IARS2: variants seen among roughly 807,000 people sequenced by gnomAD.
IARS2 encodes isoleucine--tRNA ligase, mitochondrial.
A neutral mutation model predicts 126.3 loss-of-function variants in IARS2; 56 were observed. That is an observed-to-expected ratio of 0.44 (90% CI 0.36 to 0.55). The LOEUF is 0.55. Ranked by LOEUF, IARS2 falls within the 20% of genes least tolerant of loss-of-function variation. IARS2 has a pLI of 0.00. For synonymous variants in IARS2, 407 were observed against 441.1 expected (o/e 0.92, Z 0.97); for missense variants, 1,127 against 1,245.9 (o/e 0.90, Z 1.44).
intron 19 of IARS2, among the ~76,000 whole-genome samples, chr1:220,140,983 C>CAA (rs555848103): frequency 2.0e-4 from 14 of 69,180 alleles, no homozygotes; most frequent in East Asian, 7.4e-4. Context: ...GACTCCGTCT[C>CAA]AAAAAAAAAA....
intron 21 of IARS2, 23 bp downstream of exon 21, chr1:220,143,157 T>C (rs1657523424): frequency 1.3e-6 from 2 of 1,577,416 alleles, no homozygotes; most frequent in African/African-American, 1.3e-5. Flanking sequence ...ATGTACCTTT[T>C]GAAATGGTGT....
chr1:220,094,246 G>C lies in IARS2; in HGVS notation c.30G>C (p.Pro10=), dbSNP rs1162950334. 2.5e-6 allele frequency: 4 copies of C among 1,596,842 alleles called. No homozygotes were observed. The highest frequency in any genetic ancestry group is 8.5e-7 in the Non-Finnish European group (1 of 1,172,040). The change falls in exon 1 of 23, where the codon CCG becomes CCC. Residue 10 remains proline (P), a synonymous_variant. Coordinates refer to ENST00000366922, the MANE Select transcript of IARS2 (RefSeq NM_018060.4). Reference sequence around the variant, plus strand: ...GTTGGGGGCTGCGCCCTCGCGGGCCGGGCGCGGCCGCCCTGGCCACTGCCC... The same window carrying C: ...GTTGGGGGCTGCGCCCTCGCGGGCCCGGCGCGGCCGCCCTGGCCACTGCCC... The part of the protein sequence containing the change: MRWGLRPRG[P]GAAALATARS...
chr1:220,103,522 T>C lies in IARS2; in HGVS notation c.1026T>C (p.Ser342=). The C allele has an allele frequency of 6.2e-7, 1 of 1,613,284 alleles. No homozygotes were observed. The highest frequency in any genetic ancestry group is 8.5e-7 in the Non-Finnish European group (1 of 1,179,250). ...LAADKVASVA[S]TLETTFETIS... ...CAGATAAAGTAGCATCTGTTGCTTC[T>C]ACTTTGGAAACAACATTTGAGACTA... Residue 342 remains serine, a synonymous_variant, in exon 8 of 23, where the codon TCT becomes TCC. Transcript: ENST00000366922.
intron 2 of IARS2, among the ~76,000 whole-genome samples, chr1:220,096,939 G>A (rs1009847082): frequency 1.3e-5 from 2 of 151,948 alleles, no homozygotes; most frequent in Admixed American, 6.6e-5. Context: ...CCAGCTACTC[G>A]GGAGGCTGAG....
chr1:220,125,973 G>T (rs1263507574), intron 13 of IARS2, among the ~76,000 whole-genome samples: 1 of 151,930 alleles, frequency 6.6e-6, no homozygotes, highest in African/African-American at 2.4e-5. Context: ...TGGGTGCGAT[G>T]GTGGGCGCCT....
intron 2 of IARS2, among the ~76,000 whole-genome samples, chr1:220,098,892 A>T (rs1379790430): frequency 6.6e-6 from 1 of 152,114 alleles, no homozygotes; most frequent in African/African-American, 2.4e-5. Context: ...TGTTCATATG[A>T]CTGAAAGCAA....
Position 220,147,832 on chromosome 1 carries a change from C to T in IARS2, c.*197C>T, listed in dbSNP as rs1017681264. ...AGAAAGAATTATGTATATATACATG[C>T]AGAAATATATATGTGTGTGTGTATC... is the stretch of plus-strand genomic sequence containing the variant. On this transcript the variant is annotated 3_prime_UTR_variant, in exon 23 of 23. Coordinates refer to ENST00000366922, the MANE Select transcript of IARS2 (RefSeq NM_018060.4). The T allele has an allele frequency of 1.7e-6, 1 of 578,688 alleles. No individual in the cohort carries two copies. The highest frequency in any genetic ancestry group is 1.9e-5 in the African/African-American group (1 of 53,850). 35.8% of individuals were successfully genotyped at this position (578,688 alleles called of 1,614,324 possible).
chr1:220,139,146 G>A lies in IARS2; in HGVS notation c.2307+7G>A. ...GCAGGATTTGGCAAACAAGGTAAAT[G>A]TAAATTAATAAACTTTTGGAAACTA... On this transcript the variant is annotated splice_region_variant and intron_variant, in intron 18 of 22. Coordinates refer to ENST00000366922, the MANE Select transcript of IARS2 (RefSeq NM_018060.4). The A allele has an allele frequency of 1.3e-6, 2 of 1,598,820 alleles. No individual in the cohort carries two copies. The highest frequency in any genetic ancestry group is 1.7e-6 in the Non-Finnish European group (2 of 1,174,286).
chr1:220,102,990 C>T (rs924677140), intron 7 of IARS2, among the ~76,000 whole-genome samples: 11 of 151,992 alleles, frequency 7.2e-5, no homozygotes, highest in African/African-American at 2.2e-4. Flanking sequence ...GTATAAGTTA[C>T]AAAGTGTTTT....
intron 15 of IARS2, 89 bp downstream of exon 15, chr1:220,134,599 T>G (rs1250674259): frequency 3.0e-6 from 2 of 665,858 alleles, no homozygotes; most frequent in Non-Finnish European, 2.5e-6. Flanking sequence ...AAGGCACCAC[T>G]CTTGATTGCT....
Position 220,134,423 on chromosome 1 carries a change from T to G in IARS2, c.1859T>G (p.Leu620Trp). 1 of 1,610,070 alleles carries G rather than the reference T, an allele frequency of 6.2e-7. No individual in the cohort carries two copies. The highest frequency in any genetic ancestry group is 8.5e-7 in the Non-Finnish European group (1 of 1,178,420). ...TGAGGTCCTGACCAAAGAGCAGATT[T>G]GTACTTGGAAGGAAAAGACCAGCTC... Reference protein sequence around the residue: ...VLPGPDQRADLYLEGKDQLGG... With the variant: ...VLPGPDQRADWYLEGKDQLGG... Residue 620 changes from leucine to tryptophan, a missense_variant, in exon 15 of 23, where the codon TTG becomes TGG. Leu to Trp is a moderately conservative substitution (Grantham distance 61). Transcript: ENST00000366922.
At chr1:220,132,085 C>T (rs778094586) in intron 14 of IARS2, among the ~76,000 whole-genome samples, 4 of 152,104 alleles carry the variant, frequency 2.6e-5, no homozygotes, top group African/African-American at 4.8e-5. Context: ...CATGAGCTAC[C>T]GCAAGTGGCC....
intron 12 of IARS2, among the ~76,000 whole-genome samples, chr1:220,115,793 G>C (rs1341431560): frequency 6.6e-6 from 1 of 152,098 alleles, no homozygotes; most frequent in Non-Finnish European, 1.5e-5. Flanking sequence ...AATTTACTTA[G>C]CCTCTGGCTC....
chr1:220,100,128 G>T lies in IARS2; in HGVS notation c.391-362G>T, dbSNP rs1413153672. Among the ~76,000 whole-genome samples the T allele has an allele frequency of 2.0e-5, 3 of 152,096 alleles. No homozygotes were observed. The East Asian group carries it at 5.8e-4, about 29-fold the overall frequency. On this transcript the variant is annotated intron_variant, in intron 2 of 22. Transcript: ENST00000366922. ...TAAAATGAATTTAAAAAGGTAAATT[G>T]GTTCTAGAACTATACCTAATGAAGA...
chr1:220,131,885 C>T (rs1458918827), intron 14 of IARS2, among the ~76,000 whole-genome samples: 1 of 151,310 alleles, frequency 6.6e-6, no homozygotes, highest in Non-Finnish European at 1.5e-5. Context: ...GCAACCCCCG[C>T]CTCCTAGGTT....
intron 9 of IARS2, among the ~76,000 whole-genome samples, chr1:220,106,316 T>C (rs1656680105): frequency 6.6e-6 from 1 of 152,186 alleles, no homozygotes; most frequent in Non-Finnish European, 1.5e-5. Context: ...TTTTCTAGTA[T>C]CAAGTCACAT....
chr1:220,140,085 T>G, intron 18 of IARS2, 98 bp from the exon 19 acceptor site: 2 of 714,304 alleles, frequency 2.8e-6, no homozygotes, highest in Admixed American at 4.6e-5. Flanking sequence ...TTTGTCTCAT[T>G]GAAACATATT....
At position 220,105,978 on chromosome 1, in the gene IARS2, C is replaced by G; in HGVS notation, c.1154C>G (p.Ala385Gly). Residue 385 changes from alanine (A) to glycine (G), a missense_variant, in exon 9 of 23, where the codon GCA becomes GGA. Ala to Gly is a moderately conservative substitution (Grantham distance 60). Coordinates refer to ENST00000366922, the MANE Select transcript of IARS2 (RefSeq NM_018060.4). ...TTACCTGCAAATCATGTGACCATGG[C>G]AAAAGGAACGGGATTGGTTCACACA... ...PLLPANHVTM[A>G]KGTGLVHTAP... The G allele has an allele frequency of 6.2e-7, 1 of 1,614,036 alleles. No individual in the cohort carries two copies. Among genetic ancestry groups the G allele is most frequent in the Non-Finnish European group, 8.5e-7 (1 of 1,179,930 alleles).
intron 15 of IARS2, 121 bp from the exon 16 acceptor site, chr1:220,136,688 A>ATCAGTCAAG (rs1657382637): frequency 1.9e-6 from 1 of 518,970 alleles, no homozygotes; most frequent in Admixed American, 3.9e-5. Context: ...TTTATTCATA[A>ATCAGTCAAG]TCAGTCAAGA....
Sources: gnomAD v4.1 joint callset for allele counts (sites outside exome capture counted in the v4.1 genomes callset) on GRCh38, gnomAD v4.1.1 for gene constraint, MANE v1.5 for transcripts, NCBI Gene and HGNC (gene_info 2026-07-23, HGNC 2026-07-21) for gene names.